Variants in LAMA2 observed in about 807,000 individuals in gnomAD.
LAMA2 encodes the protein laminin subunit alpha 2.
Under a neutral mutation model 364.8 loss-of-function variants are expected in LAMA2, and 269 were observed. The observed-to-expected ratio is 0.74, with a 90% CI of 0.67 to 0.82. The LOEUF is 0.82. Ranked by LOEUF, LAMA2 falls within the 40% of genes least tolerant of loss-of-function variation. The probability of loss-of-function intolerance (pLI) is 0.00; values close to 1 mark genes in which losing one functional copy is unlikely to be tolerated. For missense variants in LAMA2, 3,807 were observed against 3,873.2 expected (o/e 0.98, Z 0.45); for synonymous variants, 1,379 against 1,370.6 (o/e 1.01, Z -0.14).
chr6:129,261,400 A>G (rs1418375190), intron 15 of LAMA2, among the ~76,000 whole-genome samples: 1 of 152,062 alleles, frequency 6.6e-6, no homozygotes. Context: ...AATATCCTAG[A>G]TTTATAATAA....
At position 129,503,240 on chromosome 6, in the gene LAMA2, C is replaced by A. The variant is rs1785791981; in HGVS notation, c.8507C>A (p.Thr2836Asn). The A allele has an allele frequency of 6.2e-7, 1 of 1,613,952 alleles. No individual in the cohort carries two copies. The highest frequency in any genetic ancestry group is 1.3e-5 in the African/African-American group (1 of 74,928). The change falls in exon 60 of 65, where the codon ACC (threonine) becomes AAC (asparagine). Residue 2836 changes from threonine to asparagine, a missense_variant. By Grantham distance (65) the Thr-to-Asn change is moderately conservative. This residue lies in a region of LAMA2 where 3,333 missense variants were observed against 3,345.7 expected (regional missense o/e 1.00). Coordinates refer to ENST00000421865, the MANE Select transcript of LAMA2 (RefSeq NM_000426.4). ...SYDLGSGDTH[T>N]MIPTKINDGQ... ...GACTTGGGGAGTGGGGACACCCACA[C>A]CATGATCCCCACCAAAATCAATGAT...
intron 1 of LAMA2, among the ~76,000 whole-genome samples, chr6:129,012,104 T>C (rs115890486): frequency 2.0e-3 from 301 of 152,368 alleles, no homozygotes; most frequent in African/African-American, 6.9e-3. Context: ...ATACTGTACC[T>C]TGTCTTTCTG....
intron 21 of LAMA2, 127 bp from the exon 22 acceptor site, chr6:129,300,609 T>G: frequency 1.0e-6 from 1 of 953,398 alleles, no homozygotes; most frequent in East Asian, 2.4e-5. Context: ...AGTTTTTATT[T>G]CCAAATATCC....
At chr6:129,386,136 A>T (rs1022380555) in intron 35 of LAMA2, among the ~76,000 whole-genome samples, 8 of 152,000 alleles carry the variant, frequency 5.3e-5, no homozygotes, top group East Asian at 1.9e-4. Flanking sequence ...TAGGATTTTT[A>T]AAAAATTACC....
At chr6:129,220,102 G>T (rs1229909107) in intron 12 of LAMA2, among the ~76,000 whole-genome samples, 1 of 152,106 alleles carries the variant, frequency 6.6e-6, no homozygotes, top group Non-Finnish European at 1.5e-5. Flanking sequence ...TACCAAGTGG[G>T]AGGATTTATA....
At chr6:129,036,938 T>G (rs187187150) in intron 1 of LAMA2, among the ~76,000 whole-genome samples, 246 of 152,376 alleles carry the variant, frequency 1.6e-3, no homozygotes, top group African/African-American at 5.5e-3. Flanking sequence ...ATACATTAAC[T>G]AGCTGTCTGC....
At chr6:129,169,866 C>G (rs1324413761) in intron 9 of LAMA2, among the ~76,000 whole-genome samples, 16 of 145,184 alleles carry the variant, frequency 1.1e-4, no homozygotes, top group South Asian at 2.2e-4. Context: ...TTCAGAGATT[C>G]AACTTCTTCC....
intron 15 of LAMA2, among the ~76,000 whole-genome samples, chr6:129,264,663 C>G (rs1787376902): frequency 6.6e-6 from 1 of 151,972 alleles, no homozygotes. Flanking sequence ...GCAGAGGAGA[C>G]AGCAAAGAAA....
At chr6:129,133,196 A>C (rs1777589112) in intron 4 of LAMA2, among the ~76,000 whole-genome samples, 1 of 152,254 alleles carries the variant, frequency 6.6e-6, no homozygotes, top group African/African-American at 2.4e-5. Context: ...TTAATTTTTT[A>C]AAATTCCTTG....
intron 55 of LAMA2, among the ~76,000 whole-genome samples, chr6:129,486,047 CAG>C (rs1056916388): frequency 6.6e-6 from 1 of 152,190 alleles, no homozygotes; most frequent in African/African-American, 2.4e-5. Context: ...TCTACCAGCT[CAG>C]AGAACAAATT....
intron 3 of LAMA2, among the ~76,000 whole-genome samples, chr6:129,064,404 A>C (rs1353941404): frequency 6.6e-6 from 1 of 151,784 alleles, no homozygotes; most frequent in Non-Finnish European, 1.5e-5. Context: ...AGAAAGAACA[A>C]ACTAGGCCTA....
chr6:129,094,595 C>A (rs1775059555), intron 3 of LAMA2, among the ~76,000 whole-genome samples: 1 of 152,140 alleles, frequency 6.6e-6, no homozygotes, highest in South Asian at 2.1e-4. Context: ...AAGCAAAGTT[C>A]TTTATCCATA....
intron 1 of LAMA2, among the ~76,000 whole-genome samples, chr6:128,948,319 T>C (rs1780605166): frequency 1.3e-5 from 2 of 152,266 alleles, no homozygotes; most frequent in African/African-American, 4.8e-5. Flanking sequence ...TCAACAAAGA[T>C]ATTATACTGG....
chr6:129,208,034 GTTATGAGTCTA>G (rs1216852177), intron 12 of LAMA2, among the ~76,000 whole-genome samples: 2 of 152,176 alleles, frequency 1.3e-5, no homozygotes, highest in African/African-American at 4.8e-5. Context: ...TGAAGAACAT[GTTATGAGTCTA>G]TAAGGAAGTT....
At chr6:129,387,132 T>C (rs1286859076) in intron 35 of LAMA2, among the ~76,000 whole-genome samples, 1 of 152,214 alleles carries the variant, frequency 6.6e-6, no homozygotes, top group Non-Finnish European at 1.5e-5. Flanking sequence ...TATGTTTTGA[T>C]GTTTTTCTTT....
chr6:129,377,426 T>C (rs1778434592), intron 34 of LAMA2, among the ~76,000 whole-genome samples: 1 of 152,120 alleles, frequency 6.6e-6, no homozygotes. Context: ...CATATCTTTT[T>C]GGTTTGGAAC....
chr6:129,249,985 C>T (rs1314540405), intron 12 of LAMA2, 127 bp from the exon 13 acceptor site: 2 of 714,076 alleles, frequency 2.8e-6, no homozygotes, highest in Non-Finnish European at 5.1e-6. Context: ...ACTCCGTACT[C>T]CAGTGATTTC....
chr6:129,451,503 T>C (rs1279992270), intron 45 of LAMA2, among the ~76,000 whole-genome samples: 2 of 152,084 alleles, frequency 1.3e-5, no homozygotes, highest in African/African-American at 4.8e-5. Flanking sequence ...GCAGTCACCC[T>C]CCTCTGGGTG....
intron 29 of LAMA2, among the ~76,000 whole-genome samples, chr6:129,335,488 CTT>C (rs886084378): frequency 3.3e-5 from 5 of 151,304 alleles, no homozygotes; most frequent in South Asian, 2.1e-4. Context: ...ATATTGAAGA[CTT>C]AGCTAGCTCA....
Sources: gnomAD v4.1 joint callset for allele counts (sites outside exome capture counted in the v4.1 genomes callset) on GRCh38, gnomAD v4.1.1 for gene constraint, gnomAD v4.1.1 regional missense constraint, MANE v1.5 for transcripts, NCBI Gene and HGNC (gene_info 2026-07-23, HGNC 2026-07-21) for gene names.